POLQ: variants seen among roughly 807,000 people sequenced by gnomAD.
The protein encoded by POLQ is epididymis secretory sperm binding protein.
In POLQ, 233 loss-of-function variants were observed where a neutral mutation model predicts 259.2. The ratio of observed to expected loss-of-function variants is 0.90; its 90% CI spans 0.81 to 1.00. The LOEUF (loss-of-function observed/expected upper bound fraction) is 1.00, where lower values mean the gene tolerates loss of function less well. Ranked by LOEUF, POLQ falls within the 50% of genes least tolerant of loss-of-function variation. The probability of loss-of-function intolerance (pLI) is 0.00; values close to 1 mark genes in which losing one functional copy is unlikely to be tolerated. For missense variants in POLQ, 2,871 were observed against 3,051.6 expected (o/e 0.94, Z 1.39); for synonymous variants, 1,025 against 1,048.8 (o/e 0.98, Z 0.44).
At chr3:121,434,832 C>T (rs2108771734) in intron 28 of POLQ, among the ~76,000 whole-genome samples, 1 of 152,232 alleles carries the variant, frequency 6.6e-6, no homozygotes, top group Admixed American at 6.5e-5. Context: ...ATGCACCAAA[C>T]CTTAATTTCT....
chr3:121,466,676 G>C (rs983681170), intron 24 of POLQ, among the ~76,000 whole-genome samples: 4 of 151,036 alleles, frequency 2.6e-5, no homozygotes, highest in Admixed American at 2.0e-4. Flanking sequence ...GGCAACAAGA[G>C]GGAAACTCCA....
chr3:121,456,434 A>C (rs1370494267), intron 25 of POLQ, among the ~76,000 whole-genome samples: 2 of 152,162 alleles, frequency 1.3e-5, no homozygotes, highest in Non-Finnish European at 2.9e-5. Context: ...GAAAAGAGGA[A>C]GTCAAATTGT....
intron 24 of POLQ, among the ~76,000 whole-genome samples, chr3:121,463,411 C>CAG (rs2047809566): frequency 6.6e-6 from 1 of 152,194 alleles, no homozygotes; most frequent in African/African-American, 2.4e-5. Flanking sequence ...CACCCAGTCT[C>CAG]AGGTAGGTCT....
chr3:121,450,430 T>A (rs988362766), intron 25 of POLQ, among the ~76,000 whole-genome samples: 3 of 152,152 alleles, frequency 2.0e-5, no homozygotes, highest in African/African-American at 7.2e-5. Flanking sequence ...GCAGGTTTGT[T>A]ACATATGTAT....
Position 121,533,218 on chromosome 3 carries a change from AAAC to A in POLQ, c.741-12_741-10del. 6.6e-7 allele frequency: 1 copy of A among 1,524,532 alleles called. No individual in the cohort carries two copies. Among genetic ancestry groups the A allele is most frequent in the South Asian group, 1.2e-5 (1 of 82,040 alleles). The allele number at this position is 1,524,532 out of a possible 1,614,324, so 94.4% of individuals were successfully genotyped here. The stretch of plus-strand genomic sequence containing the variant: ...TGGCTAGATCTGCCTGACTGTAAAA[AAAC>A]AAATGAAAAGAACATTAAAAGATAT... On this transcript the variant is annotated splice_polypyrimidine_tract_variant and intron_variant, in intron 5 of 29. Coordinates refer to ENST00000264233, the MANE Select transcript of POLQ (RefSeq NM_199420.4).
At position 121,473,352 on chromosome 3, in the gene POLQ, T is replaced by TG; in HGVS notation, c.6540_6541insC (p.Lys2181GlnfsTer6). On this transcript the variant is annotated frameshift_variant, in exon 21 of 30. Transcript: ENST00000264233. LOFTEE classifies it high-confidence loss of function. ...TCTGTGACTGCCCCAAAGAGCACCT[T>TG]ACTAGTGCTGAACTGTCTTCCCAGC... 9.3e-6 allele frequency: 15 copies of TG among 1,612,588 alleles called. No homozygotes were observed. The highest frequency in any genetic ancestry group is 1.3e-5 in the Non-Finnish European group (15 of 1,179,496).
intron 9 of POLQ, among the ~76,000 whole-genome samples, chr3:121,518,294 C>T (rs1303060792): frequency 6.6e-6 from 1 of 152,180 alleles, no homozygotes; most frequent in Non-Finnish European, 1.5e-5. Flanking sequence ...GATAGCATTT[C>T]AGTACTTTGC....
chr3:121,544,354 A>G (rs2048513262), intron 2 of POLQ, among the ~76,000 whole-genome samples: 1 of 152,160 alleles, frequency 6.6e-6, no homozygotes, highest in East Asian at 1.9e-4. Context: ...TCAAGAAAAA[A>G]AAAAGGTAAA....
At chr3:121,539,208 C>A (rs1182214782) in intron 4 of POLQ, among the ~76,000 whole-genome samples, 1 of 152,122 alleles carries the variant, frequency 6.6e-6, no homozygotes, top group African/African-American at 2.4e-5. Flanking sequence ...ATATAATCTA[C>A]GTTTTGTAAA....
chr3:121,436,311 T>G (rs1211282840), intron 27 of POLQ, 36 bp from the exon 28 acceptor site: 2 of 1,607,104 alleles, frequency 1.2e-6, no homozygotes, highest in Non-Finnish European at 1.7e-6. Context: ...CCACCAGATA[T>G]GCCAACATGG....
chr3:121,521,391 C>G (rs1269849265), intron 8 of POLQ, among the ~76,000 whole-genome samples: 2 of 151,772 alleles, frequency 1.3e-5, no homozygotes, highest in Non-Finnish European at 2.9e-5. Flanking sequence ...ATATATATAC[C>G]CCCTCACACA....
At chr3:121,499,084 A>C (rs1037449476) in intron 12 of POLQ, among the ~76,000 whole-genome samples, 28 of 152,114 alleles carry the variant, frequency 1.8e-4, no homozygotes, top group Non-Finnish European at 4.0e-4. Flanking sequence ...CCATCTCAAA[A>C]AAAATTACAA....
At chr3:121,514,339 A>AAAAAAC (rs1553818840) in intron 9 of POLQ, among the ~76,000 whole-genome samples, 14 of 149,878 alleles carry the variant, frequency 9.3e-5, no homozygotes, top group Non-Finnish European at 1.8e-4. Context: ...TTAAAAAAAA[A>AAAAAAC]AACAACAACA....
Position 121,522,136 on chromosome 3 carries a change from G to T in POLQ, c.1122C>A (p.Pro374=). The T allele has an allele frequency of 6.3e-7, 1 of 1,599,686 alleles. No individual in the cohort carries two copies. The highest frequency in any genetic ancestry group is 8.5e-7 in the Non-Finnish European group (1 of 1,176,210). The change falls in exon 8 of 30, where the codon CCC becomes CCA. Residue 374 remains proline (P), a synonymous_variant. Coordinates refer to ENST00000264233, the MANE Select transcript of POLQ (RefSeq NM_199420.4). ...CCAGAATTACTGGTGGGCATTCAGA[G>T]GGTTTCACCAATCCTGTCACAAAAA... ...LHHQAEGLVK[P]SECPPVILEQ... is the part of the protein sequence containing the mutation.
intron 2 of POLQ, among the ~76,000 whole-genome samples, chr3:121,542,033 G>A (rs1211572555): frequency 2.0e-5 from 3 of 151,944 alleles, no homozygotes; most frequent in Non-Finnish European, 4.4e-5. Flanking sequence ...TTACTCAGGA[G>A]GCTGAGGCAC....
chr3:121,469,903 A>C (rs1304747045), intron 22 of POLQ, among the ~76,000 whole-genome samples: 2 of 152,216 alleles, frequency 1.3e-5, no homozygotes, highest in East Asian at 3.8e-4. Context: ...AAATCAAAAG[A>C]AATGTTGCAC....
chr3:121,441,117 G>A (rs1438593773), intron 26 of POLQ, among the ~76,000 whole-genome samples: 1 of 151,996 alleles, frequency 6.6e-6, no homozygotes, highest in African/African-American at 2.4e-5. Context: ...ATCTTTTTCT[G>A]TTTAAGAATT....
intron 20 of POLQ, among the ~76,000 whole-genome samples, chr3:121,474,870 G>A (rs2108791400): frequency 6.6e-6 from 1 of 152,216 alleles, no homozygotes; most frequent in East Asian, 1.9e-4. Flanking sequence ...GTTATCCATT[G>A]TTTACCTGAT....
rs147722646 is a variant in POLQ at position 121,489,121 on chromosome 3, T to G, written c.3810A>C (p.Pro1270=). 1.9e-6 allele frequency: 3 copies of G among 1,613,768 alleles called. No individual in the cohort carries two copies. The highest frequency in any genetic ancestry group is 2.5e-6 in the Non-Finnish European group (3 of 1,179,794). ...CTGATTTGCTAAATGCTCCAGCTGA[T>G]GGAAGTACTTCACTGGGTATCACAG... ...SRTVIPSEVL[P]SAGAFSKSEG... is the part of the protein sequence containing the mutation. The change falls in exon 16 of 30, where the codon CCA becomes CCC. Residue 1270 remains proline, a synonymous_variant. Transcript: ENST00000264233.
Sources: gnomAD v4.1 joint callset for allele counts (sites outside exome capture counted in the v4.1 genomes callset) on GRCh38, gnomAD v4.1.1 for gene constraint, MANE v1.5 for transcripts, NCBI Gene and HGNC (gene_info 2026-07-23, HGNC 2026-07-21) for gene names.